The following PRR14L variants were observed in gnomAD, a reference collection of about 807,000 sequenced individuals.
PRR14L encodes the protein proline rich 14 like, also known as protein PRR14L.
PRR14L carries 80 observed loss-of-function variants against 155.0 expected under a neutral mutation model. The observed-to-expected ratio is 0.52, with a 90% confidence interval of 0.43 to 0.62. The LOEUF (loss-of-function observed/expected upper bound fraction) is 0.62, where lower values mean the gene tolerates loss of function less well. Among genes scored for constraint, PRR14L ranks in the 20% least tolerant of loss-of-function variants. The probability of loss-of-function intolerance (pLI) is 0.00; values close to 1 mark genes in which losing one functional copy is unlikely to be tolerated. For missense variants in PRR14L, 2,469 were observed against 2,548.0 expected (o/e 0.97, Z 0.67); for synonymous variants, 883 against 916.0 (o/e 0.96, Z 0.65).
intron 1 of PRR14L, among the ~76,000 whole-genome samples, chr22:31,748,556 A>AT (rs2074853284): frequency 6.6e-6 from 1 of 152,236 alleles, no homozygotes; most frequent in Non-Finnish European, 1.5e-5. Flanking sequence ...CATTTTCCAT[A>AT]TACAAGAGGG....
intron 6 of PRR14L, among the ~76,000 whole-genome samples, chr22:31,702,348 G>A (rs891833965): frequency 6.6e-6 from 1 of 152,086 alleles, no homozygotes; most frequent in Non-Finnish European, 1.5e-5. Flanking sequence ...TCAGCCTCCT[G>A]AGTAGCTGGA....
chr22:31,745,234 G>A (rs148342475), intron 1 of PRR14L, among the ~76,000 whole-genome samples: 30 of 152,208 alleles, frequency 2.0e-4, no homozygotes, highest in African/African-American at 6.7e-4. Context: ...AAAATTAGCC[G>A]GGTGTGGTGA....
chr22:31,720,566 C>T (rs1407801542), intron 3 of PRR14L, among the ~76,000 whole-genome samples: 1 of 151,964 alleles, frequency 6.6e-6, no homozygotes, highest in Non-Finnish European at 1.5e-5. Context: ...AACCTTATCT[C>T]TACTAAAAAT....
chr22:31,706,804 C>T (rs1323959759), intron 4 of PRR14L, among the ~76,000 whole-genome samples: 5 of 151,866 alleles, frequency 3.3e-5, no homozygotes, highest in African/African-American at 1.2e-4. Flanking sequence ...AATTCCAGTA[C>T]TCTGGGAGGC....
intron 1 of PRR14L, among the ~76,000 whole-genome samples, chr22:31,745,322 A>G (rs2074832018): frequency 6.6e-6 from 1 of 152,162 alleles, no homozygotes; most frequent in African/African-American, 2.4e-5. Flanking sequence ...GTTTGCAGTG[A>G]GCGGAGATTG....
intron 3 of PRR14L, among the ~76,000 whole-genome samples, chr22:31,723,216 G>GA (rs965070483): frequency 3.3e-5 from 5 of 151,826 alleles, no homozygotes; most frequent in Non-Finnish European, 5.9e-5. Flanking sequence ...GTTTGGGGGA[G>GA]AAAAAAAATC....
At chr22:31,728,714 C>CAAA (rs773127360) in intron 2 of PRR14L, among the ~76,000 whole-genome samples, 3,633 of 78,730 alleles carry the variant, frequency 0.046, 50 homozygotes, top group South Asian at 0.089. Context: ...GACTCCATCT[C>CAAA]AAAAAAAAAA....
rs186121085 is a variant in PRR14L at position 31,737,083 on chromosome 22, A to G, written c.474+1304T>C. Among the ~76,000 whole-genome samples the G allele has an allele frequency of 8.5e-3, 1,286 of 151,692 alleles. 10 individuals are homozygous for G. Among genetic ancestry groups the G allele is most frequent in the Non-Finnish European group, 0.011 (779 of 67,918 alleles). ...GGAGACCATATGACCTGCAAAGCCT[A>G]AAAGATTTACTACGTGGCCCCTGAT... On this transcript the variant is annotated intron_variant, in intron 2 of 8. Coordinates refer to ENST00000327423, the MANE Select transcript of PRR14L (RefSeq NM_173566.3).
At position 31,715,860 on chromosome 22, in the gene PRR14L, G is replaced by A; in HGVS notation, c.1979C>T (p.Ser660Phe). 5.2e-6 allele frequency: 8 copies of A among 1,551,572 alleles called. No individual in the cohort carries two copies. The highest frequency in any genetic ancestry group is 7.0e-6 in the Non-Finnish European group (8 of 1,146,902). Residue 660 changes from serine (S) to phenylalanine (F), a missense_variant, in exon 4 of 9, where the codon TCT (serine) becomes TTT (phenylalanine). Coordinates refer to ENST00000327423, the MANE Select transcript of PRR14L (RefSeq NM_173566.3). Reference protein sequence around the residue: ...CVLNQQVSLNSQEHANLPTDS... With the variant: ...CVLNQQVSLNFQEHANLPTDS... ...AGTTGGCAAATTTGCATGTTCTTGA[G>A]AATTAAGGGACACTTGTTGATTTAA...
At chr22:31,742,115 T>G (rs1301524575) in intron 1 of PRR14L, among the ~76,000 whole-genome samples, 1 of 152,128 alleles carries the variant, frequency 6.6e-6, no homozygotes, top group Middle Eastern at 3.2e-3. Flanking sequence ...ACATACACAG[T>G]CCAGTTTTCA....
chr22:31,711,415 C>A, intron 4 of PRR14L, among the ~76,000 whole-genome samples: 1 of 151,538 alleles, frequency 6.6e-6, no homozygotes, highest in Admixed American at 6.6e-5. Flanking sequence ...AAGTTGTGGT[C>A]AGCCGAGATT....
At chr22:31,720,865 C>T (rs1447864643) in intron 3 of PRR14L, among the ~76,000 whole-genome samples, 2 of 152,140 alleles carry the variant, frequency 1.3e-5, no homozygotes, top group African/African-American at 4.8e-5. Context: ...TTCTGGTGAC[C>T]CTCCTAAATA....
At chr22:31,722,305 G>A (rs2074694494) in intron 3 of PRR14L, among the ~76,000 whole-genome samples, 1 of 151,570 alleles carries the variant, frequency 6.6e-6, no homozygotes, top group Non-Finnish European at 1.5e-5. Context: ...GGTGGCACGT[G>A]CCTGTAGTCC....
At chr22:31,721,223 C>A (rs1464512112) in intron 3 of PRR14L, among the ~76,000 whole-genome samples, 1 of 152,204 alleles carries the variant, frequency 6.6e-6, no homozygotes, top group South Asian at 2.1e-4. Context: ...CCACTGCTCC[C>A]CCAGGTCCAC....
chr22:31,704,967 G>C (rs1187542380), intron 4 of PRR14L, among the ~76,000 whole-genome samples: 1 of 152,170 alleles, frequency 6.6e-6, no homozygotes. Context: ...GAGACAGAAA[G>C]AAAGAACAGT....
intron 4 of PRR14L, among the ~76,000 whole-genome samples, chr22:31,708,414 C>T (rs1383636598): frequency 6.6e-6 from 1 of 151,550 alleles, no homozygotes; most frequent in African/African-American, 2.4e-5. Flanking sequence ...CTAACCTCTG[C>T]CTCCTGGGTT....
intron 3 of PRR14L, among the ~76,000 whole-genome samples, chr22:31,717,529 A>C (rs1026416991): frequency 2.0e-5 from 3 of 152,202 alleles, no homozygotes; most frequent in African/African-American, 7.2e-5. Flanking sequence ...TGAAAGTTTA[A>C]TACAGAGTTC....
At chr22:31,711,469 C>A (rs533465360) in intron 4 of PRR14L, among the ~76,000 whole-genome samples, 1 of 151,156 alleles carries the variant, frequency 6.6e-6, no homozygotes, top group South Asian at 2.1e-4. Context: ...GAGACTGTTT[C>A]AAAAAATAAA....
intron 2 of PRR14L, among the ~76,000 whole-genome samples, chr22:31,736,894 C>A (rs1443241719): frequency 6.6e-6 from 1 of 151,654 alleles, no homozygotes; most frequent in Admixed American, 6.6e-5. Context: ...ATAAATTAGC[C>A]GGGCGTGGTG....
Sources: gnomAD v4.1 joint callset for allele counts (sites outside exome capture counted in the v4.1 genomes callset) on GRCh38, gnomAD v4.1.1 for gene constraint, MANE v1.5 for transcripts, NCBI Gene and HGNC (gene_info 2026-07-23, HGNC 2026-07-21) for gene names.